The following MARK2 variants were observed in gnomAD, a reference collection of about 807,000 sequenced individuals.
MARK2 encodes the protein serine/threonine-protein kinase MARK2.
In MARK2, 16 loss-of-function variants were observed where a neutral mutation model predicts 89.8. The ratio of observed to expected loss-of-function variants is 0.18; its 90% CI spans 0.12 to 0.27. The LOEUF (loss-of-function observed/expected upper bound fraction) is 0.27. MARK2 is among the 10% of genes least tolerant of loss of function. The pLI, the probability that MARK2 is intolerant of heterozygous loss-of-function variation, is 1.00. For synonymous variants in MARK2, 382 were observed against 399.5 expected, an observed-to-expected ratio of 0.96 and a Z score of 0.52; for missense variants, 621 against 1,049.9, an observed-to-expected ratio of 0.59 and a Z score of 5.65.
chr11:63,899,792 TC>T, intron 7 of MARK2, 81 bp from the exon 8 acceptor site: 3 of 872,302 alleles, frequency 3.4e-6, no homozygotes, highest in Non-Finnish European at 5.7e-6. Context: ...CCGTTTGTTC[TC>T]CCATTCCCCT....
At chr11:63,898,891 T>G (rs960492177) in intron 6 of MARK2, 58 bp downstream of exon 6, 2 of 1,500,108 alleles carry the variant, frequency 1.3e-6, no homozygotes, top group African/African-American at 1.4e-5. Flanking sequence ...GGGTTTGACA[T>G]GTAAGGATAA....
At chr11:63,896,671 C>G (rs1413982560) in intron 3 of MARK2, among the ~76,000 whole-genome samples, 3 of 152,162 alleles carry the variant, frequency 2.0e-5, no homozygotes, top group Non-Finnish European at 2.9e-5. Flanking sequence ...AAGGTGTTTC[C>G]TATTTATTGT....
At chr11:63,905,072 G>C in intron 16 of MARK2, 29 bp downstream of exon 16, 1 of 1,603,890 alleles carries the variant, frequency 6.2e-7, no homozygotes. Context: ...GTGGCAGAGA[G>C]GCTCAGGCCA....
intron 16 of MARK2, 127 bp from the exon 17 acceptor site, chr11:63,905,961 C>T (rs1941291199): frequency 1.2e-5 from 8 of 690,146 alleles, no homozygotes; most frequent in Admixed American, 8.2e-5. Context: ...CTGAGCGGCT[C>T]TTCCGAAAAT....
intron 1 of MARK2, among the ~76,000 whole-genome samples, chr11:63,876,905 A>G (rs1446164011): frequency 6.6e-6 from 1 of 152,080 alleles, no homozygotes; most frequent in African/African-American, 2.4e-5. Context: ...GGCTTCGACC[A>G]GTGCACGAGC....
rs144151050 is a variant in MARK2 at position 63,883,878 on chromosome 11, C to T, written c.55-11281C>T. ...CTGGAATCAGAGGTGTAAGCCACCA[C>T]GCCCGGCCAGATTTTCTCATTTAAT... On this transcript the variant is annotated intron_variant, in intron 1 of 18. Coordinates refer to ENST00000402010, the MANE Select transcript of MARK2 (RefSeq NM_001039469.3). Among the ~76,000 whole-genome samples, 9 of 152,292 alleles carry T rather than the reference C, an allele frequency of 5.9e-5. No individual in the cohort carries two copies. The East Asian group carries it at 1.7e-3, about 29-fold the overall frequency.
intron 1 of MARK2, among the ~76,000 whole-genome samples, chr11:63,840,446 C>G (rs2015952913): frequency 6.6e-6 from 1 of 152,122 alleles, no homozygotes; most frequent in Non-Finnish European, 1.5e-5. Context: ...TTCTCCCAAC[C>G]CAAAGACACT....
chr11:63,895,484 TGAAAAG>T, intron 2 of MARK2, 90 bp from the exon 3 acceptor site: 1 of 1,442,414 alleles, frequency 6.9e-7, no homozygotes, highest in Non-Finnish European at 9.8e-7. Flanking sequence ...AGCTGTGGGA[TGAAAAG>T]GAGTAAGAAA....
chr11:63,895,446 ATGAGATC>A lies in MARK2; in HGVS notation c.234+115_234+121del. ...CCAACCTCTTGTTTATCCGGCAGAA[ATGAGATC>A]TGAGATATAGGGGTGCAAAAAGCTG... On this transcript the variant is annotated intron_variant, in intron 2 of 18. Transcript: ENST00000402010. 4.2e-6 allele frequency: 6 copies of A among 1,444,038 alleles called. No homozygotes were observed. The South Asian group carries it at 6.9e-5, about 17-fold the overall frequency. The allele number at this position is 1,444,038 out of a possible 1,614,324, so 89.5% of individuals were successfully genotyped here. A position where few individuals can be genotyped will look rare whatever the true frequency, so the allele number is the denominator to read the frequency against.
intron 1 of MARK2, among the ~76,000 whole-genome samples, chr11:63,875,448 CATT>C (rs1052014117): frequency 3.0e-4 from 46 of 152,170 alleles, no homozygotes; most frequent in African/African-American, 1.1e-3. Context: ...TGGGGAATCT[CATT>C]ATGTGGCCTA....
intron 1 of MARK2, among the ~76,000 whole-genome samples, chr11:63,865,854 C>G (rs1938100805): frequency 6.6e-6 from 1 of 152,016 alleles, no homozygotes; most frequent in Non-Finnish European, 1.5e-5. Context: ...AGGGATTTCC[C>G]TTTATTAAGC....
chr11:63,855,527 CAAA>C (rs34126066), intron 1 of MARK2, among the ~76,000 whole-genome samples: 1 of 91,912 alleles, frequency 1.1e-5, no homozygotes, highest in African/African-American at 3.9e-5. Context: ...ATTTCAAAAA[CAAA>C]AAAAAAAAAA....
intron 1 of MARK2, among the ~76,000 whole-genome samples, chr11:63,882,286 T>C (rs1032587652): frequency 6.6e-6 from 1 of 151,846 alleles, no homozygotes; most frequent in South Asian, 2.1e-4. Context: ...AAAGTTTTAA[T>C]CTTTTAAAAA....
rs1363464004 is a variant in MARK2, at chr11:63,839,378, C to T, written c.-129C>T. On this transcript the variant is annotated 5_prime_UTR_variant, in exon 1 of 19. Transcript: ENST00000402010. ...GGCGTGAGCGGCTGCCCGGCCTCCC[C>T]GCACCCCCGGCCGGGGCCCATGCGG... The T allele has an allele frequency of 8.5e-6, 5 of 585,156 alleles. No homozygotes were observed. Among genetic ancestry groups the T allele is most frequent in the African/African-American group, 2.0e-5 (1 of 49,914 alleles). 36.2% of individuals were successfully genotyped at this position (585,156 alleles called of 1,614,324 possible). A position where few individuals can be genotyped will look rare whatever the true frequency, so the allele number is the denominator to read the frequency against.
chr11:63,891,901 G>C (rs979035295), intron 1 of MARK2, among the ~76,000 whole-genome samples: 6 of 152,198 alleles, frequency 3.9e-5, no homozygotes, highest in Non-Finnish European at 8.8e-5. Flanking sequence ...CAGGAGGCTG[G>C]CCCAATCAGG....
intron 1 of MARK2, chr11:63,868,432 A>G (rs1200073428): frequency 2.0e-5 from 4 of 201,720 alleles, no homozygotes; most frequent in East Asian, 1.2e-4. Context: ...ATATCAGTCT[A>G]TCTGATTCTT....
At chr11:63,850,342 G>GTTTTTTT (rs1382022541) in intron 1 of MARK2, among the ~76,000 whole-genome samples, 1 of 120,746 alleles carries the variant, frequency 8.3e-6, no homozygotes, top group Non-Finnish European at 1.7e-5. Context: ...TTTTTTTTTG[G>GTTTTTTT]ATTTTTAGTA....
At chr11:63,847,176 C>A (rs919537710) in intron 1 of MARK2, among the ~76,000 whole-genome samples, 6 of 152,228 alleles carry the variant, frequency 3.9e-5, no homozygotes, top group African/African-American at 7.2e-5. Flanking sequence ...AGATGTCTGT[C>A]TTTGGGTTGG....
intron 1 of MARK2, among the ~76,000 whole-genome samples, chr11:63,867,779 A>T (rs965357427): frequency 6.6e-6 from 1 of 152,160 alleles, no homozygotes; most frequent in Non-Finnish European, 1.5e-5. Flanking sequence ...AGGCATCCGC[A>T]TTCATGGAAA....
Sources: gnomAD v4.1 joint callset for allele counts (sites outside exome capture counted in the v4.1 genomes callset) on GRCh38, gnomAD v4.1.1 for gene constraint, MANE v1.5 for transcripts, NCBI Gene and HGNC (gene_info 2026-07-23, HGNC 2026-07-21) for gene names.